The following ARHGEF37 variants were observed in gnomAD, a reference collection of about 807,000 sequenced individuals.
The protein encoded by ARHGEF37 is Rho guanine nucleotide exchange factor (GEF) 37.
A neutral mutation model predicts 71.1 loss-of-function variants in ARHGEF37; 55 were observed. That is an observed-to-expected ratio of 0.77 (90% CI 0.62 to 0.97). The LOEUF is 0.97. Ranked by LOEUF, ARHGEF37 falls within the 50% of genes least tolerant of loss-of-function variation. The pLI is 0.00. For synonymous variants in ARHGEF37, 327 were observed against 350.6 expected (o/e 0.93, Z 0.75); for missense variants, 765 against 836.8 (o/e 0.91, Z 1.06).
At chr5:149,592,351 C>A (rs1384745328) in intron 1 of ARHGEF37, among the ~76,000 whole-genome samples, 1 of 152,226 alleles carries the variant, frequency 6.6e-6, no homozygotes, top group Non-Finnish European at 1.5e-5. Flanking sequence ...CAAATCTGTT[C>A]TCTATCTCTA....
upstream of ARHGEF37, among the ~76,000 whole-genome samples, chr5:149,579,344 C>T (rs568627325): frequency 2.2e-3 from 331 of 152,264 alleles, no homozygotes; most frequent in Non-Finnish European, 4.3e-3. Flanking sequence ...TTGGGGTCAG[C>T]TCTTCACTTC....
intron 1 of ARHGEF37, among the ~76,000 whole-genome samples, chr5:149,564,035 C>A (rs9637874): frequency 0.19 from 28,194 of 148,936 alleles, 3,487 homozygotes; most frequent in South Asian, 0.36. Context: ...TCACTGCAGC[C>A]TTCGCCTCCT....
At chr5:149,558,512 A>G (rs1202217497) in intron 1 of ARHGEF37, among the ~76,000 whole-genome samples, 1 of 151,844 alleles carries the variant, frequency 6.6e-6, no homozygotes, top group Admixed American at 6.6e-5. Context: ...TCCCCCTCTC[A>G]CCAAAAAAAT....
chr5:149,585,291 G>A (rs565176431), intron 1 of ARHGEF37, among the ~76,000 whole-genome samples: 47 of 152,218 alleles, frequency 3.1e-4, no homozygotes, highest in African/African-American at 1.1e-3. Flanking sequence ...CATGTTATCC[G>A]GAAACTTCAC....
chr5:149,565,829 A>ATTTTT (rs201683478), intron 1 of ARHGEF37, among the ~76,000 whole-genome samples: 960 of 84,214 alleles, frequency 0.011, 129 homozygotes, highest in Admixed American at 0.026. Context: ...AGAAACTCTA[A>ATTTTT]TTTTTTTTTT....
chr5:149,623,615 C>T (rs528984449), intron 9 of ARHGEF37, among the ~76,000 whole-genome samples: 10 of 152,308 alleles, frequency 6.6e-5, no homozygotes, highest in Admixed American at 3.9e-4. Context: ...AAAGTAAGGG[C>T]GCTTCCTGAT....
chr5:149,579,621 G>A (rs1015455736), upstream of ARHGEF37, among the ~76,000 whole-genome samples: 4 of 151,682 alleles, frequency 2.6e-5, no homozygotes, highest in African/African-American at 7.3e-5. Context: ...TCACTCTGTC[G>A]CCCAGGCTGG....
chr5:149,572,594 T>C (rs190198458), intron 1 of ARHGEF37, among the ~76,000 whole-genome samples: 223 of 152,352 alleles, frequency 1.5e-3, no homozygotes, highest in African/African-American at 5.1e-3. Context: ...TGGGCCTCAG[T>C]GTCCTGATAG....
At chr5:149,555,130 C>CAAAA (rs914879036) in intron 1 of ARHGEF37, among the ~76,000 whole-genome samples, 30 of 55,302 alleles carry the variant, frequency 5.4e-4, no homozygotes, top group South Asian at 1.2e-3. Context: ...GACTCTGTCT[C>CAAAA]AAAAAAAAAA....
At chr5:149,571,103 C>A (rs1484914185) in intron 1 of ARHGEF37, among the ~76,000 whole-genome samples, 3 of 151,478 alleles carry the variant, frequency 2.0e-5, no homozygotes, top group African/African-American at 7.3e-5. Flanking sequence ...CCACCACGCC[C>A]AGCTAATTTT....
At chr5:149,574,109 G>A (rs978146247) in intron 1 of ARHGEF37, among the ~76,000 whole-genome samples, 2 of 152,118 alleles carry the variant, frequency 1.3e-5, no homozygotes, top group Non-Finnish European at 2.9e-5. Flanking sequence ...TTCTATCCTT[G>A]CCCACACAAT....
rs559116819 is a variant in ARHGEF37, at chr5:149,562,346, C to G, written c.-12+10223C>G. On this transcript the variant is annotated intron_variant, in intron 1 of 2. Transcript: ENST00000505810. The stretch of plus-strand genomic sequence containing the variant: ...ATTCACTGACTTGTGTTTTTCCTGG[C>G]CAGTATAAGAGCTAGGTAACTGCAG... 1.4e-4 allele frequency among the ~76,000 whole-genome samples: 22 copies of G among 152,272 alleles called. No homozygotes were observed. The South Asian group carries it at 4.6e-3, about 32-fold the overall frequency.
intron 1 of ARHGEF37, among the ~76,000 whole-genome samples, chr5:149,582,937 C>T (rs915632036): frequency 1.1e-4 from 17 of 152,012 alleles, no homozygotes; most frequent in Non-Finnish European, 2.2e-4. Flanking sequence ...ATAAAGTCAG[C>T]CCTATTATGA....
chr5:149,557,111 G>T (rs1762765948), intron 1 of ARHGEF37, among the ~76,000 whole-genome samples: 1 of 152,222 alleles, frequency 6.6e-6, no homozygotes, highest in Non-Finnish European at 1.5e-5. Flanking sequence ...GTCTGAGGAA[G>T]TTGGGATGCT....
At chr5:149,609,019 C>T (rs1763996197) in intron 3 of ARHGEF37, among the ~76,000 whole-genome samples, 1 of 151,728 alleles carries the variant, frequency 6.6e-6, no homozygotes, top group African/African-American at 2.4e-5. Flanking sequence ...ACCCCATCTC[C>T]ACTAAACATA....
intron 1 of ARHGEF37, among the ~76,000 whole-genome samples, chr5:149,569,680 G>A (rs1262525853): frequency 2.6e-5 from 4 of 151,306 alleles, no homozygotes; most frequent in Admixed American, 6.6e-5. Context: ...GCAGTGGCTC[G>A]GTCTTGGCTC....
chr5:149,614,397 T>G (rs1350978420), intron 4 of ARHGEF37, among the ~76,000 whole-genome samples: 1 of 152,074 alleles, frequency 6.6e-6, no homozygotes, highest in Non-Finnish European at 1.5e-5. Context: ...GTGTATCATC[T>G]TTCAATTTCT....
intron 9 of ARHGEF37, among the ~76,000 whole-genome samples, chr5:149,622,387 A>G (rs4409073): frequency 0.38 from 57,544 of 152,042 alleles, 11,844 homozygotes; most frequent in Non-Finnish European, 0.47. Flanking sequence ...AGTTGATGAC[A>G]GAGACAGAAG....
intron 12 of ARHGEF37, 47 bp downstream of exon 12, chr5:149,629,013 G>A: frequency 6.3e-7 from 1 of 1,575,282 alleles, no homozygotes; most frequent in South Asian, 1.2e-5. Flanking sequence ...CGGCCATCCG[G>A]ACTGTGGCTT....
Sources: allele counts gnomAD v4.1 joint callset (sites outside exome capture counted in the v4.1 genomes callset), GRCh38; gene constraint gnomAD v4.1.1; transcripts MANE v1.5; gene names NCBI Gene and HGNC (gene_info 2026-07-23, HGNC 2026-07-21).